COPA: variants seen among roughly 807,000 people sequenced by gnomAD.
COPA encodes coatomer subunit alpha.
Under a neutral mutation model 158.7 loss-of-function variants are expected in COPA, and 10 were observed. The ratio of observed to expected loss-of-function variants is 0.06; its 90% CI spans 0.04 to 0.11. The LOEUF (loss-of-function observed/expected upper bound fraction) is 0.11. Ranked by LOEUF, COPA falls within the 10% of genes least tolerant of loss-of-function variation. The probability of loss-of-function intolerance (pLI) is 1.00; values close to 1 mark genes in which losing one functional copy is unlikely to be tolerated. For synonymous variants in COPA, 462 were observed against 542.8 expected (o/e 0.85, Z 2.07); for missense variants, 1,065 against 1,536.7 (o/e 0.69, Z 5.13).
At chr1:160,314,833 C>T (rs911061567) in intron 8 of COPA, among the ~76,000 whole-genome samples, 5 of 151,998 alleles carry the variant, frequency 3.3e-5, no homozygotes, top group African/African-American at 9.7e-5. Context: ...CGCTGTATCT[C>T]CAGAGCCTTA....
chr1:160,336,418 C>G (rs1647765556), intron 3 of COPA, among the ~76,000 whole-genome samples: 2 of 152,006 alleles, frequency 1.3e-5, no homozygotes, highest in Non-Finnish European at 2.9e-5. Flanking sequence ...AGGCTCCTAA[C>G]TTGATGGCAA....
rs949278544 is a variant in COPA, at chr1:160,325,575, T to C, written c.574A>G (p.Thr192Ala). The C allele has an allele frequency of 3.7e-6, 6 of 1,614,190 alleles. No homozygotes were observed. The East Asian group carries it at 1.3e-4, about 36-fold the overall frequency. The change falls in exon 7 of 33, where the codon ACT (threonine) becomes GCT (alanine). Residue 192 changes from threonine to alanine, a missense_variant. Physicochemically the swap from Thr to Ala is moderately conservative, Grantham distance 58. Around this residue, in one of 2 missense-constraint regions of COPA, gnomAD observed 980 missense variants for 1,357.8 expected, o/e 0.72. Coordinates refer to ENST00000241704, the MANE Select transcript of COPA (RefSeq NM_004371.4). ...RGITGVDLFG[T>A]TDAVVKHVLE... Reference sequence around the variant, plus strand: ...ACATGCTTCACCACTGCATCTGTAGTTCCAAATAGATCAACCCCAGTTATT... The same window carrying C: ...ACATGCTTCACCACTGCATCTGTAGCTCCAAATAGATCAACCCCAGTTATT...
chr1:160,314,076 T>G lies in COPA; in HGVS notation c.756A>C (p.Val252=), dbSNP rs899773297. The G allele has an allele frequency of 6.2e-7, 1 of 1,613,116 alleles. No homozygotes were observed. Among genetic ancestry groups the G allele is most frequent in the Non-Finnish European group, 8.5e-7 (1 of 1,179,678 alleles). Residue 252 remains valine (V), a synonymous_variant, in exon 9 of 33, where the codon GTA becomes GTC. Coordinates refer to ENST00000241704, the MANE Select transcript of COPA (RefSeq NM_004371.4). ...GGCGAGGGTGGAAGACGGCACAAGA[T>G]ACATTGTTGTAATGGCCCCGGCAGG... is the stretch of plus-strand genomic sequence containing the variant. The part of the protein sequence containing the change: ...VDTCRGHYNN[V]SCAVFHPRQE...
At chr1:160,312,164 G>T in intron 10 of COPA, 146 bp from the exon 11 acceptor site, 2 of 737,624 alleles carry the variant, frequency 2.7e-6, no homozygotes, top group Non-Finnish European at 2.2e-6. Context: ...CACAATTCTT[G>T]GAATCTTTAT....
intron 6 of COPA, among the ~76,000 whole-genome samples, chr1:160,329,771 C>T (rs545638332): frequency 1.3e-5 from 2 of 152,322 alleles, no homozygotes; most frequent in African/African-American, 4.8e-5. Context: ...AAAGTACTTT[C>T]TATAGCACTT....
chr1:160,292,207 G>A lies in COPA; in HGVS notation c.2961-9C>T, dbSNP rs766348179. 4 of 1,607,318 alleles carry A rather than the reference G, an allele frequency of 2.5e-6. No homozygotes were observed. In the African/African-American group the frequency reaches 4.0e-5, roughly 16 times the overall value. ...TCAGCCCTGCATCCTTCCTGGAAAG[G>A]GAAAAGTAGGAAGAAGACAGGATAG... On this transcript the variant is annotated splice_polypyrimidine_tract_variant and intron_variant, in intron 28 of 32. Coordinates refer to ENST00000241704, the MANE Select transcript of COPA (RefSeq NM_004371.4).
At chr1:160,329,606 C>T (rs183279969) in intron 6 of COPA, among the ~76,000 whole-genome samples, 6 of 152,110 alleles carry the variant, frequency 3.9e-5, no homozygotes, top group African/African-American at 1.2e-4. Flanking sequence ...ACAAACATTA[C>T]TTTTACAGTG....
chr1:160,290,670 G>A lies in COPA; in HGVS notation c.3437C>T (p.Ser1146Phe), dbSNP rs530195912. 6.2e-7 allele frequency: 1 copy of A among 1,614,158 alleles called. No individual in the cohort carries two copies. The highest frequency in any genetic ancestry group is 8.5e-7 in the Non-Finnish European group (1 of 1,180,028). The change falls in exon 32 of 33, where the codon TCT (serine) becomes TTT (phenylalanine). Residue 1146 changes from serine (S) to phenylalanine (F), a missense_variant. Physicochemically the swap from Ser to Phe is radical, Grantham distance 155. Coordinates refer to ENST00000241704, the MANE Select transcript of COPA (RefSeq NM_004371.4). The part of the protein sequence containing the change: ...EVAQQTRKIL[S>F]ACEKNPTDAY... ...ATCTGTGGGATTCTTCTCACAGGCAGACAGGATTTTTCGGGTCTAGGGGAA... is the reference window on the plus strand; with the variant it reads ...ATCTGTGGGATTCTTCTCACAGGCAAACAGGATTTTTCGGGTCTAGGGGAA...
At chr1:160,304,021 TTC>T (rs1491421126) in intron 17 of COPA, among the ~76,000 whole-genome samples, 1 of 151,940 alleles carries the variant, frequency 6.6e-6, no homozygotes, top group Admixed American at 6.5e-5. Flanking sequence ...AAATTTTTTG[TTC>T]TTTTTTTTTT....
chr1:160,333,776 G>T, intron 4 of COPA, 97 bp from the exon 5 acceptor site: 2 of 896,102 alleles, frequency 2.2e-6, no homozygotes, highest in Non-Finnish European at 1.7e-6. Context: ...ATTGCTTAAC[G>T]GCTCAGCTAC....
At chr1:160,290,836 A>G in intron 31 of COPA, 150 bp from the exon 32 acceptor site, 2 of 734,270 alleles carry the variant, frequency 2.7e-6, no homozygotes, top group Non-Finnish European at 4.6e-6. Flanking sequence ...ATGTATGTGA[A>G]GGGTTAACAA....
In COPA at chr1:160,299,112, T is replaced by C; in HGVS notation, c.1820A>G (p.Lys607Arg). The C allele has an allele frequency of 6.2e-7, 1 of 1,614,052 alleles. No homozygotes were observed. Among genetic ancestry groups the C allele is most frequent in the Non-Finnish European group, 8.5e-7 (1 of 1,179,954 alleles). The part of the protein sequence containing the change: ...FKFKLALINR[K>R]YDEVLHMVRN... ...ATCCTCACTTCATACCTCATCATAT[T>C]TTCTGTTGATCAGGGCCAGCTTGAA... Residue 607 changes from lysine to arginine, a missense_variant, in exon 18 of 33, where the codon AAA becomes AGA. Lys to Arg is a conservative substitution (Grantham distance 26, BLOSUM62 2). Transcript: ENST00000241704.
At chr1:160,322,989 G>GCGCACA (rs1553206131) in intron 8 of COPA, among the ~76,000 whole-genome samples, 1 of 145,410 alleles carries the variant, frequency 6.9e-6, no homozygotes, top group East Asian at 2.1e-4. Flanking sequence ...ACGCGCACGT[G>GCGCACA]CACACACACA....
At chr1:160,315,566 G>T (rs1659105356) in intron 8 of COPA, among the ~76,000 whole-genome samples, 1 of 152,236 alleles carries the variant, frequency 6.6e-6, no homozygotes, top group African/African-American at 2.4e-5. Flanking sequence ...AAGCCAAGGT[G>T]AACCCGGACT....
rs534966376 is a variant in COPA at position 160,332,298 on chromosome 1, G to C, written c.496+150C>G. The stretch of plus-strand genomic sequence containing the variant: ...ACTTCCAATATGAAGAACCATCAAA[G>C]CAAATTCAACAACCTCAGAAACAAA... On this transcript the variant is annotated intron_variant, in intron 6 of 32. Transcript: ENST00000241704. 10 of 467,882 alleles carry C rather than the reference G, an allele frequency of 2.1e-5. No individual in the cohort carries two copies. In the South Asian group the frequency reaches 3.1e-4, roughly 15 times the overall value. The allele number at this position is 467,882 out of a possible 1,614,324, so 29.0% of individuals were successfully genotyped here. A position where few individuals can be genotyped will look rare whatever the true frequency, so the allele number is the denominator to read the frequency against.
chr1:160,303,416 G>T (rs773226716), intron 17 of COPA, among the ~76,000 whole-genome samples: 9 of 152,200 alleles, frequency 5.9e-5, no homozygotes, highest in Non-Finnish European at 1.0e-4. Context: ...TAACAAAGAC[G>T]AGACTGCAGA....
At chr1:160,336,276 T>C (rs1026094961) in intron 3 of COPA, among the ~76,000 whole-genome samples, 1 of 148,750 alleles carries the variant, frequency 6.7e-6, no homozygotes, top group Non-Finnish European at 1.5e-5. Flanking sequence ...GCGTTTGCAG[T>C]GAGTTGAGAT....
Position 160,343,147 on chromosome 1 carries a change from C to T in COPA, c.24G>A (p.Lys8=), listed in dbSNP as rs1308998340. 3 of 1,614,080 alleles carry T rather than the reference C, an allele frequency of 1.9e-6. No individual in the cohort carries two copies. The highest frequency in any genetic ancestry group is 8.5e-7 in the Non-Finnish European group (1 of 1,180,050). The stretch of plus-strand genomic sequence containing the variant: ...CTCCACTACCTTTGACCCGCGCGCT[C>T]TTGGTCTCGAATTTGGTTAACATCT... MLTKFET[K]SARVKGLSFH... The change falls in exon 1 of 33, where the codon AAG becomes AAA. Residue 8 remains lysine (K), a synonymous_variant. Transcript: ENST00000241704.
At chr1:160,296,434 G>A (rs955353739) in intron 21 of COPA, among the ~76,000 whole-genome samples, 5 of 152,194 alleles carry the variant, frequency 3.3e-5, no homozygotes, top group African/African-American at 1.2e-4. Context: ...TAGCTACCAC[G>A]TTACAAACTC....
Sources: gnomAD v4.1 joint callset for allele counts (sites outside exome capture counted in the v4.1 genomes callset) on GRCh38, gnomAD v4.1.1 for gene constraint, gnomAD v4.1.1 regional missense constraint, MANE v1.5 for transcripts, NCBI Gene and HGNC (gene_info 2026-07-23, HGNC 2026-07-21) for gene names.